FSIP1: variants seen among roughly 807,000 people sequenced by gnomAD.
FSIP1 encodes fibrous sheath interacting protein 1, also known as fibrous sheath-interacting protein 1.
In FSIP1, 65 loss-of-function variants were observed where a neutral mutation model predicts 60.9. That is an observed-to-expected ratio of 1.07 (90% CI 0.87 to 1.31). FSIP1 has a LOEUF of 1.31. Among genes scored for constraint, FSIP1 ranks in the 40% most tolerant of loss-of-function variants. The pLI is 0.00. For synonymous variants in FSIP1, 209 were observed against 221.2 expected, an observed-to-expected ratio of 0.94 and a Z score of 0.49; for missense variants, 675 against 665.5, an observed-to-expected ratio of 1.01 and a Z score of -0.16.
intron 8 of FSIP1, 52 bp downstream of exon 8, chr15:39,738,039 T>G: frequency 1.9e-6 from 2 of 1,034,474 alleles, no homozygotes; most frequent in African/African-American, 3.3e-5. Context: ...ATAATATTAT[T>G]TTTTAAAATC....
intron 1 of FSIP1, among the ~76,000 whole-genome samples, chr15:39,777,305 G>A (rs1898096489): frequency 6.6e-6 from 1 of 152,020 alleles, no homozygotes; most frequent in Non-Finnish European, 1.5e-5. Flanking sequence ...CCGTGGGGCT[G>A]CATTTTCATG....
chr15:39,613,305 T>C (rs1195314636), intron 11 of FSIP1, among the ~76,000 whole-genome samples: 2 of 152,184 alleles, frequency 1.3e-5, no homozygotes, highest in African/African-American at 2.4e-5. Context: ...AGGGTAATTA[T>C]GTAAAATTAT....
chr15:39,672,188 T>G (rs1893746618), intron 10 of FSIP1, among the ~76,000 whole-genome samples: 1 of 152,222 alleles, frequency 6.6e-6, no homozygotes, highest in Non-Finnish European at 1.5e-5. Flanking sequence ...AGCTTCCCTG[T>G]GTCAAGATGA....
chr15:39,603,739 A>C (rs1890724567), intron 11 of FSIP1, among the ~76,000 whole-genome samples: 3 of 152,180 alleles, frequency 2.0e-5, no homozygotes, highest in Admixed American at 2.0e-4. Flanking sequence ...TAAGAAGAAA[A>C]AAGCAGACAT....
At chr15:39,746,575 T>C (rs1897001337) in intron 5 of FSIP1, among the ~76,000 whole-genome samples, 1 of 152,090 alleles carries the variant, frequency 6.6e-6, no homozygotes, top group African/African-American at 2.4e-5. Flanking sequence ...CAGGTGTGGA[T>C]GGATTTTACC....
At chr15:39,654,808 T>C (rs1328219719) in intron 10 of FSIP1, among the ~76,000 whole-genome samples, 1 of 152,128 alleles carries the variant, frequency 6.6e-6, no homozygotes, top group African/African-American at 2.4e-5. Context: ...CGACCCCAAG[T>C]ATGGTAAATG....
At chr15:39,779,469 T>C (rs1173338844) in intron 1 of FSIP1, among the ~76,000 whole-genome samples, 1 of 152,194 alleles carries the variant, frequency 6.6e-6, no homozygotes, top group African/African-American at 2.4e-5. Flanking sequence ...ATCTCTAGAA[T>C]GTACTAAAAG....
intron 10 of FSIP1, among the ~76,000 whole-genome samples, chr15:39,711,885 C>T (rs1347341866): frequency 6.6e-6 from 1 of 151,918 alleles, no homozygotes; most frequent in East Asian, 2.0e-4. Flanking sequence ...CGGGGTTTCA[C>T]CTTGTTACCC....
intron 10 of FSIP1, among the ~76,000 whole-genome samples, chr15:39,683,543 A>C (rs2140490803): frequency 6.6e-6 from 1 of 152,260 alleles, no homozygotes; most frequent in South Asian, 2.1e-4. Context: ...CACCACACCT[A>C]CTTGACATTG....
intron 9 of FSIP1, among the ~76,000 whole-genome samples, chr15:39,725,547 C>T (rs1485810053): frequency 6.6e-6 from 1 of 152,190 alleles, no homozygotes; most frequent in Non-Finnish European, 1.5e-5. Flanking sequence ...AGAAGGATTA[C>T]CTATAGGCTA....
intron 10 of FSIP1, among the ~76,000 whole-genome samples, chr15:39,674,075 G>C (rs1415968716): frequency 6.7e-6 from 1 of 148,248 alleles, no homozygotes; most frequent in African/African-American, 2.5e-5. Flanking sequence ...TTTTTTCTGA[G>C]ACAGAGTCTC....
At chr15:39,747,711 T>C (rs944897792) in intron 5 of FSIP1, among the ~76,000 whole-genome samples, 2 of 152,200 alleles carry the variant, frequency 1.3e-5, no homozygotes, top group Non-Finnish European at 2.9e-5. Context: ...TCCATTTTTA[T>C]AGGTAAAATA....
intron 11 of FSIP1, among the ~76,000 whole-genome samples, chr15:39,616,125 TAA>T (rs1196173623): frequency 1.3e-5 from 2 of 152,212 alleles, no homozygotes; most frequent in Non-Finnish European, 2.9e-5. Flanking sequence ...AAATTTCATG[TAA>T]GAAACAAAAA....
chr15:39,688,435 T>C (rs192513913), intron 10 of FSIP1, among the ~76,000 whole-genome samples: 2 of 152,314 alleles, frequency 1.3e-5, no homozygotes, highest in Admixed American at 1.3e-4. Flanking sequence ...GTTGAATATC[T>C]CATGTAATTT....
intron 10 of FSIP1, among the ~76,000 whole-genome samples, chr15:39,618,931 G>A (rs767527023): frequency 2.0e-5 from 3 of 151,980 alleles, no homozygotes; most frequent in Non-Finnish European, 4.4e-5. Context: ...TTAAAATATA[G>A]TGAAACACAC....
chr15:39,646,749 C>T (rs957321593), intron 10 of FSIP1, among the ~76,000 whole-genome samples: 1 of 150,708 alleles, frequency 6.6e-6, no homozygotes, highest in Non-Finnish European at 1.5e-5. Context: ...CACCACTTAA[C>T]TTCATAAAGG....
At chr15:39,651,204 AG>A (rs1361503814) in intron 10 of FSIP1, among the ~76,000 whole-genome samples, 3 of 152,250 alleles carry the variant, frequency 2.0e-5, no homozygotes, top group African/African-American at 4.8e-5. Flanking sequence ...TTTATAATGT[AG>A]GGTTTCCTAA....
chr15:39,695,737 T>A (rs2140513255), intron 10 of FSIP1, among the ~76,000 whole-genome samples: 1 of 152,380 alleles, frequency 6.6e-6, no homozygotes, highest in East Asian at 1.9e-4. Flanking sequence ...AGGCCATTGA[T>A]GTTGATCATG....
At chr15:39,636,539 T>C (rs1466152304) in intron 10 of FSIP1, among the ~76,000 whole-genome samples, 1 of 152,190 alleles carries the variant, frequency 6.6e-6, no homozygotes, top group Non-Finnish European at 1.5e-5. Flanking sequence ...AAGACACGAA[T>C]AGCCTCATCA....
Sources: gnomAD v4.1 joint callset for allele counts (sites outside exome capture counted in the v4.1 genomes callset) on GRCh38, gnomAD v4.1.1 for gene constraint, MANE v1.5 for transcripts, NCBI Gene and HGNC (gene_info 2026-07-23, HGNC 2026-07-21) for gene names.